The following SYNPR variants were observed in gnomAD, a reference collection of about 807,000 sequenced individuals.
The protein encoded by SYNPR is synaptoporin.
SYNPR carries 23 observed loss-of-function variants against 32.9 expected under a neutral mutation model. The observed-to-expected ratio is 0.70, with a 90% CI of 0.50 to 0.99. SYNPR has a LOEUF of 0.99. SYNPR is among the 50% of genes least tolerant of loss of function. SYNPR has a pLI of 0.00. For missense variants in SYNPR, 318 were observed against 349.3 expected, an observed-to-expected ratio of 0.91 and a Z score of 0.71; for synonymous variants, 146 against 135.9, an observed-to-expected ratio of 1.07 and a Z score of -0.52.
intron 4 of SYNPR, among the ~76,000 whole-genome samples, chr3:63,578,102 A>G (rs1703023172): frequency 6.6e-6 from 1 of 152,126 alleles, no homozygotes; most frequent in East Asian, 1.9e-4. Context: ...TTTTATTCCC[A>G]TTGCAAGTAA....
At position 63,278,757 on chromosome 3, in the gene SYNPR, G is replaced by T; in HGVS notation, c.84+15G>T. 6.4e-7 allele frequency: 1 copy of T among 1,551,460 alleles called. No individual in the cohort carries two copies. Among genetic ancestry groups the T allele is most frequent in the South Asian group, 1.2e-5 (1 of 84,062 alleles). ...CCCTGGAATTGGTGAGTAGCAGTGT[G>T]TGTGCAGGGAGGGGCGCCAGGCAGC... On this transcript the variant is annotated intron_variant, in intron 2 of 5. Coordinates refer to ENST00000478300, the MANE Select transcript of SYNPR (RefSeq NM_001130003.2).
chr3:63,303,412 A>G (rs2086877507), intron 2 of SYNPR, among the ~76,000 whole-genome samples: 1 of 151,960 alleles, frequency 6.6e-6, no homozygotes, highest in African/African-American at 2.4e-5. Flanking sequence ...TCAGGGTATT[A>G]TCTCTAAAAT....
intron 2 of SYNPR, among the ~76,000 whole-genome samples, chr3:63,362,547 G>T (rs1016999120): frequency 2.0e-5 from 3 of 152,158 alleles, no homozygotes; most frequent in Non-Finnish European, 4.4e-5. Flanking sequence ...CCTAGGAAAA[G>T]AAAAGTGAGC....
intron 3 of SYNPR, among the ~76,000 whole-genome samples, chr3:63,486,911 T>A (rs942157480): frequency 1.3e-5 from 2 of 152,052 alleles, no homozygotes; most frequent in African/African-American, 4.8e-5. Context: ...AGCTTCAGAT[T>A]TTCTGAAAAT....
intron 3 of SYNPR, among the ~76,000 whole-genome samples, chr3:63,485,187 T>C (rs1319219848): frequency 2.0e-5 from 3 of 151,894 alleles, no homozygotes; most frequent in Non-Finnish European, 4.4e-5. Context: ...AGAGACAGAA[T>C]GGGAACTATG....
At chr3:63,434,052 T>A (rs1306015297) in intron 2 of SYNPR, among the ~76,000 whole-genome samples, 2 of 152,132 alleles carry the variant, frequency 1.3e-5, no homozygotes. Context: ...AGATCATGAC[T>A]AGGCTTTTTG....
At chr3:63,381,223 A>G (rs1340041592) in intron 2 of SYNPR, among the ~76,000 whole-genome samples, 1 of 152,238 alleles carries the variant, frequency 6.6e-6, no homozygotes, top group African/African-American at 2.4e-5. Flanking sequence ...TACAAAATCA[A>G]TGTACAAAAA....
chr3:63,210,741 C>A, the SYNPR span, among the ~76,000 whole-genome samples: 3 of 152,076 alleles, frequency 2.0e-5, no homozygotes, highest in African/African-American at 7.2e-5. Context: ...TTGTTTCAAA[C>A]TATCTTTCCC....
At chr3:63,425,280 A>G (rs1265469183) in intron 2 of SYNPR, among the ~76,000 whole-genome samples, 3 of 152,174 alleles carry the variant, frequency 2.0e-5, no homozygotes, top group African/African-American at 7.2e-5. Context: ...CCACCCAAAG[A>G]GTAGTCAGCT....
chr3:63,344,982 G>C lies in SYNPR; in HGVS notation c.84+66240G>C, dbSNP rs184020485. Among the ~76,000 whole-genome samples, 6 of 152,248 alleles carry C rather than the reference G, an allele frequency of 3.9e-5. No individual in the cohort carries two copies. In the East Asian group the frequency reaches 1.2e-3, roughly 29 times the overall value. The stretch of plus-strand genomic sequence containing the variant: ...AATGGGTCTGGGTGGAGTCAGTTGG[G>C]TTTCCAGAATGAAAAAGTCTGAAAA... On this transcript the variant is annotated intron_variant, in intron 2 of 5. Coordinates refer to ENST00000478300, the MANE Select transcript of SYNPR (RefSeq NM_001130003.2).
In SYNPR at chr3:63,606,421, T is replaced by TTC. The variant is rs1176734730; in HGVS notation, c.409-2703_409-2702insCT. On this transcript the variant is annotated intron_variant, in intron 4 of 5. Coordinates refer to ENST00000478300, the MANE Select transcript of SYNPR (RefSeq NM_001130003.2). ...AAGCAGGACCTCAAATCCTTTCTTTTTTTTTTTTTTTTTTTTTTAGCAATG... is the reference window on the plus strand; with the variant it reads ...AAGCAGGACCTCAAATCCTTTCTTTTTCTTTTTTTTTTTTTTTTTTAGCAATG... 5.6e-3 allele frequency among the ~76,000 whole-genome samples: 684 copies of TTC among 122,872 alleles called. 16 individuals are homozygous for TTC. Among genetic ancestry groups the TTC allele is most frequent in the African/African-American group, 0.023 (654 of 27,948 alleles). The allele number at this position is 122,872 out of a possible 152,430, so 80.6% of individuals were successfully genotyped here. A position where few individuals can be genotyped will look rare whatever the true frequency, so the allele number is the denominator to read the frequency against.
chr3:63,458,908 C>T (rs922304258), intron 2 of SYNPR, among the ~76,000 whole-genome samples: 2 of 152,032 alleles, frequency 1.3e-5, no homozygotes, highest in Admixed American at 6.6e-5. Flanking sequence ...ACTGAAAGTC[C>T]TGTATTCATG....
intron 2 of SYNPR, among the ~76,000 whole-genome samples, chr3:63,448,097 G>A (rs1049604076): frequency 6.6e-6 from 1 of 152,210 alleles, no homozygotes; most frequent in South Asian, 2.1e-4. Context: ...TCAGCCTCCC[G>A]GGTTCAAGTG....
At chr3:63,306,461 C>G (rs1245574041) in intron 2 of SYNPR, among the ~76,000 whole-genome samples, 2 of 151,810 alleles carry the variant, frequency 1.3e-5, no homozygotes, top group Admixed American at 1.3e-4. Flanking sequence ...CTTTCACCAG[C>G]AGAGCCTACT....
chr3:63,292,534 A>C lies in SYNPR; in HGVS notation c.84+13792A>C, dbSNP rs544854744. Among the ~76,000 whole-genome samples, 6 of 152,336 alleles carry C rather than the reference A, an allele frequency of 3.9e-5. No homozygotes were observed. In the East Asian group the frequency reaches 9.6e-4, roughly 24 times the overall value. On this transcript the variant is annotated intron_variant, in intron 2 of 5. Transcript: ENST00000478300. ...AGCTCCATTAGTTACAAGCTATGTG[A>C]CCTTGGACACATTACTTAACCTCTT...
intron 1 of SYNPR, among the ~76,000 whole-genome samples, chr3:63,249,664 C>T (rs981824816): frequency 2.6e-5 from 4 of 152,008 alleles, no homozygotes; most frequent in African/African-American, 7.2e-5. Context: ...ACTCATGTAA[C>T]CAAATACCAC....
intron 2 of SYNPR, among the ~76,000 whole-genome samples, chr3:63,367,623 G>A (rs1299012634): frequency 6.6e-6 from 1 of 152,070 alleles, no homozygotes; most frequent in Non-Finnish European, 1.5e-5. Flanking sequence ...CCTAAAGTGA[G>A]TGCTAGGATT....
chr3:63,385,297 G>A (rs549634511), intron 2 of SYNPR, among the ~76,000 whole-genome samples: 7 of 152,196 alleles, frequency 4.6e-5, no homozygotes, highest in Admixed American at 2.0e-4. Flanking sequence ...TCTTTCAGAG[G>A]TTAGCAAGTG....
chr3:63,488,102 C>T (rs974253303), intron 3 of SYNPR, among the ~76,000 whole-genome samples: 1 of 152,100 alleles, frequency 6.6e-6, no homozygotes, highest in Non-Finnish European at 1.5e-5. Context: ...CCCTAAGATG[C>T]GTAGCCAAGA....
Sources: gnomAD v4.1 joint callset for allele counts (sites outside exome capture counted in the v4.1 genomes callset) on GRCh38, gnomAD v4.1.1 for gene constraint, MANE v1.5 for transcripts, NCBI Gene and HGNC (gene_info 2026-07-23, HGNC 2026-07-21) for gene names.